ZNF536: variants seen among roughly 807,000 people sequenced by gnomAD.
The protein encoded by ZNF536 is zinc finger protein 536.
In ZNF536, 13 loss-of-function variants were observed where a neutral mutation model predicts 84.5. The observed-to-expected ratio is 0.15, with a 90% confidence interval of 0.10 to 0.24. The LOEUF (loss-of-function observed/expected upper bound fraction) is 0.24, where lower values mean the gene tolerates loss of function less well. Ranked by LOEUF, ZNF536 falls within the 10% of genes least tolerant of loss-of-function variation. ZNF536 has a pLI of 1.00. For synonymous variants in ZNF536, 811 were observed against 742.5 expected (o/e 1.09, Z -1.50); for missense variants, 1,536 against 1,747.5 (o/e 0.88, Z 2.16).
At chr19:30,321,389 T>A (rs2046850306) in intron 2 of ZNF536, among the ~76,000 whole-genome samples, 1 of 152,094 alleles carries the variant, frequency 6.6e-6, no homozygotes, top group Non-Finnish European at 1.5e-5. Context: ...AAACCCCGTC[T>A]CTACTGAAAA....
chr19:30,596,611 T>C (rs1445291361), intron 1 of ZNF536, among the ~76,000 whole-genome samples: 2 of 152,184 alleles, frequency 1.3e-5, no homozygotes, highest in Non-Finnish European at 2.9e-5. Context: ...CCTGATGAGT[T>C]TGAACTGTTT....
At chr19:30,505,770 A>G (rs1435377996) in intron 2 of ZNF536, among the ~76,000 whole-genome samples, 1 of 151,934 alleles carries the variant, frequency 6.6e-6, no homozygotes, top group African/African-American at 2.4e-5. Context: ...GGTTCAAGTG[A>G]TTCTCCTGCC....
chr19:30,573,040 G>A (rs1001869457), intron 1 of ZNF536, among the ~76,000 whole-genome samples: 2 of 152,148 alleles, frequency 1.3e-5, no homozygotes, highest in African/African-American at 2.4e-5. Flanking sequence ...TCTGAGGGGG[G>A]CACATATTCT....
chr19:30,572,842 G>A (rs766915541), intron 1 of ZNF536, among the ~76,000 whole-genome samples: 1 of 152,190 alleles, frequency 6.6e-6, no homozygotes, highest in African/African-American at 2.4e-5. Context: ...ATTGGAGAGA[G>A]ACTAGAGACA....
intron 1 of ZNF536, among the ~76,000 whole-genome samples, chr19:30,250,848 T>G (rs200462062): frequency 2.5e-5 from 2 of 81,268 alleles, no homozygotes; most frequent in African/African-American, 1.3e-4. Flanking sequence ...GCCTGTTGGG[T>G]TTTTTTTTTT....
intron 2 of ZNF536, among the ~76,000 whole-genome samples, chr19:30,496,014 A>G (rs1489859573): frequency 1.3e-5 from 2 of 152,176 alleles, no homozygotes; most frequent in Non-Finnish European, 2.9e-5. Context: ...GCCAGGGTGT[A>G]TTCAGTGCCT....
intron 1 of ZNF536, among the ~76,000 whole-genome samples, chr19:30,379,544 G>A (rs1410938969): frequency 6.6e-6 from 1 of 151,266 alleles, no homozygotes; most frequent in East Asian, 2.0e-4. Context: ...GTTGCCAGGA[G>A]ATCTGACAGG....
chr19:30,580,026 G>A (rs1179075438), intron 1 of ZNF536, among the ~76,000 whole-genome samples: 2 of 152,178 alleles, frequency 1.3e-5, no homozygotes, highest in African/African-American at 4.8e-5. Context: ...TTGAGCAGAC[G>A]CAGTTGCTGA....
At chr19:30,593,472 G>A (rs1468425207) in intron 1 of ZNF536, among the ~76,000 whole-genome samples, 1 of 152,168 alleles carries the variant, frequency 6.6e-6, no homozygotes, top group Non-Finnish European at 1.5e-5. Flanking sequence ...CCAGCCAGCA[G>A]CCCTCAGGCC....
chr19:30,293,189 C>T (rs572942879), intron 2 of ZNF536, among the ~76,000 whole-genome samples: 13 of 152,208 alleles, frequency 8.5e-5, no homozygotes, highest in East Asian at 1.9e-4. Flanking sequence ...TCAGTGGGTT[C>T]GTTGTTACTG....
At chr19:30,342,721 A>G (rs1246975765) in intron 2 of ZNF536, among the ~76,000 whole-genome samples, 1 of 152,260 alleles carries the variant, frequency 6.6e-6, no homozygotes, top group Non-Finnish European at 1.5e-5. Context: ...GAAAATAAAA[A>G]CAACCCAACA....
intron 2 of ZNF536, among the ~76,000 whole-genome samples, chr19:30,480,469 G>A (rs2054030511): frequency 6.6e-6 from 1 of 152,078 alleles, no homozygotes; most frequent in South Asian, 2.1e-4. Flanking sequence ...AACACCGGAT[G>A]TTCTCACTCA....
chr19:30,608,281 C>T (rs1388676833), intron 1 of ZNF536, among the ~76,000 whole-genome samples: 6 of 152,142 alleles, frequency 3.9e-5, no homozygotes, highest in Admixed American at 6.5e-5. Flanking sequence ...TACTCTGCAT[C>T]GTGGTCCTTT....
At chr19:30,259,215 G>T (rs999275124) in intron 1 of ZNF536, among the ~76,000 whole-genome samples, 2 of 152,046 alleles carry the variant, frequency 1.3e-5, no homozygotes, top group African/African-American at 4.8e-5. Flanking sequence ...CTTTTTCTGC[G>T]TCATTTATAT....
At chr19:30,467,828 A>G (rs945247637) in intron 2 of ZNF536, among the ~76,000 whole-genome samples, 4 of 152,196 alleles carry the variant, frequency 2.6e-5, no homozygotes, top group African/African-American at 9.7e-5. Context: ...GCTACTGTGT[A>G]CCCTGAGGGG....
Position 30,605,063 on chromosome 19 carries a change from C to G in ZNF536, c.169+55549C>G, listed in dbSNP as rs547386929. On this transcript the variant is annotated intron_variant, in intron 1 of 1. Coordinates refer to the ZNF536 transcript ENST00000592773. ...TCTGTTGGGTAAGGGGTCTCATTAT[C>G]CCCATTTTACAGATGGGAAAACTCA... Among the ~76,000 whole-genome samples, 338 of 152,270 alleles carry G rather than the reference C, an allele frequency of 2.2e-3. 3 individuals carry two copies. Among genetic ancestry groups the G allele is most frequent in the Non-Finnish European group, 1.4e-3 (94 of 68,012 alleles).
At chr19:30,482,871 G>A (rs2054145089) in intron 2 of ZNF536, among the ~76,000 whole-genome samples, 1 of 152,150 alleles carries the variant, frequency 6.6e-6, no homozygotes, top group African/African-American at 2.4e-5. Context: ...CTGTCTGGGT[G>A]GGCTTCAGCA....
intron 2 of ZNF536, among the ~76,000 whole-genome samples, chr19:30,514,796 C>A (rs908435588): frequency 6.6e-6 from 1 of 152,024 alleles, no homozygotes; most frequent in Admixed American, 6.6e-5. Context: ...CGTGAGGACC[C>A]CTCATTGTTG....
Position 30,548,550 on chromosome 19 carries a change from C to T in ZNF536, c.2931C>T (p.Asp977=), listed in dbSNP as rs1181882757. 2.5e-6 allele frequency: 4 copies of T among 1,614,038 alleles called. No individual in the cohort carries two copies. The highest frequency in any genetic ancestry group is 1.7e-6 in the Non-Finnish European group (2 of 1,180,052). ...KSEKSQYEPL[D]LSVRPDAASL... is the part of the protein sequence containing the mutation. Reference sequence around the variant, plus strand: ...AGAAATCTCAGTATGAACCCCTGGACTTGTCTGTGCGGCCAGATGCCGCCT... The same window carrying T: ...AGAAATCTCAGTATGAACCCCTGGATTTGTCTGTGCGGCCAGATGCCGCCT... The change falls in exon 4 of 5, where the codon GAC becomes GAT. Residue 977 remains aspartate, a synonymous_variant. Transcript: ENST00000355537.
Sources: allele counts gnomAD v4.1 joint callset (sites outside exome capture counted in the v4.1 genomes callset), GRCh38; gene constraint gnomAD v4.1.1; transcripts MANE v1.5; gene names NCBI Gene and HGNC (gene_info 2026-07-23, HGNC 2026-07-21).